The following KAZN variants were observed in gnomAD, a reference collection of about 807,000 sequenced individuals.
The protein encoded by KAZN is kazrin.
In KAZN, 40 loss-of-function variants were observed where a neutral mutation model predicts 87.4. That is an observed-to-expected ratio of 0.46 (90% CI 0.36 to 0.60). The LOEUF (loss-of-function observed/expected upper bound fraction) is 0.60, where lower values mean the gene tolerates loss of function less well. KAZN is among the 20% of genes least tolerant of loss of function. The pLI, the probability that KAZN is intolerant of heterozygous loss-of-function variation, is 0.00. For missense variants in KAZN, 898 were observed against 1,073.9 expected, an observed-to-expected ratio of 0.84 and a Z score of 2.29; for synonymous variants, 466 against 458.3, an observed-to-expected ratio of 1.02 and a Z score of -0.22.
intron 1 of KAZN, among the ~76,000 whole-genome samples, chr1:14,154,827 C>T (rs995738019): frequency 7.9e-5 from 12 of 152,202 alleles, no homozygotes; most frequent in African/African-American, 2.7e-4. Flanking sequence ...ACCATCCTTG[C>T]ATCCCAAAGA....
chr1:14,178,130 C>G (rs906003604), intron 1 of KAZN, among the ~76,000 whole-genome samples: 1 of 152,108 alleles, frequency 6.6e-6, no homozygotes, highest in Non-Finnish European at 1.5e-5. Context: ...GGCACTCATT[C>G]TCTCTCCTGC....
chr1:14,738,893 T>A (rs1482407752), intron 1 of KAZN, among the ~76,000 whole-genome samples: 1 of 152,136 alleles, frequency 6.6e-6, no homozygotes. Flanking sequence ...ACCCGTCTGG[T>A]CAAGTGCAAT....
intron 1 of KAZN, among the ~76,000 whole-genome samples, chr1:14,087,323 C>T (rs1643880631): frequency 6.6e-6 from 1 of 152,042 alleles, no homozygotes; most frequent in Non-Finnish European, 1.5e-5. Flanking sequence ...ATCTTCTGAC[C>T]TTGCTAAACT....
At chr1:14,590,185 A>T (rs1413017860) in intron 2 of KAZN, among the ~76,000 whole-genome samples, 1 of 152,106 alleles carries the variant, frequency 6.6e-6, no homozygotes, top group Non-Finnish European at 1.5e-5. Context: ...CAAAAAAATA[A>T]ATTACCCATT....
chr1:13,906,033 GA>G (rs1639424391), intron 1 of KAZN, among the ~76,000 whole-genome samples: 3 of 152,150 alleles, frequency 2.0e-5, no homozygotes, highest in Admixed American at 1.3e-4. Flanking sequence ...CTCTTCTAAG[GA>G]CGCTTGTGAT....
At chr1:14,275,018 ATTATAT>A (rs1025266439) in intron 2 of KAZN, among the ~76,000 whole-genome samples, 4 of 152,196 alleles carry the variant, frequency 2.6e-5, no homozygotes, top group South Asian at 4.2e-4. Context: ...TATAGAATAG[ATTATAT>A]TTATAAAAAT....
At chr1:14,974,084 C>T (rs953020348) in intron 2 of KAZN, among the ~76,000 whole-genome samples, 10 of 151,824 alleles carry the variant, frequency 6.6e-5, no homozygotes, top group East Asian at 1.9e-4. Context: ...AAGCTGGGTC[C>T]GGCAACCACA....
chr1:14,687,425 G>C (rs1243655432), intron 1 of KAZN, among the ~76,000 whole-genome samples: 1 of 152,226 alleles, frequency 6.6e-6, no homozygotes, highest in Non-Finnish European at 1.5e-5. Flanking sequence ...GGCTCCAAGG[G>C]AGGTGTAGTA....
intron 2 of KAZN, among the ~76,000 whole-genome samples, chr1:14,573,703 G>A (rs1287402621): frequency 1.3e-5 from 2 of 151,960 alleles, no homozygotes; most frequent in Admixed American, 6.6e-5. Flanking sequence ...ATGAGTCCAG[G>A]TCAGAACTTT....
At chr1:14,639,626 C>T (rs564851738) in intron 1 of KAZN, among the ~76,000 whole-genome samples, 1 of 152,264 alleles carries the variant, frequency 6.6e-6, no homozygotes, top group South Asian at 2.1e-4. Flanking sequence ...GACCTTTGTT[C>T]TCACAAGCTG....
intron 1 of KAZN, among the ~76,000 whole-genome samples, chr1:14,929,377 A>G (rs1157506875): frequency 6.6e-6 from 1 of 152,208 alleles, no homozygotes; most frequent in Non-Finnish European, 1.5e-5. Flanking sequence ...GGCACCAAGC[A>G]CCATTTATGT....
chr1:14,273,846 T>C (rs1652139994), intron 2 of KAZN, among the ~76,000 whole-genome samples: 1 of 152,152 alleles, frequency 6.6e-6, no homozygotes, highest in Non-Finnish European at 1.5e-5. Flanking sequence ...TTTTTTTTTT[T>C]TGATTATTCT....
chr1:14,482,108 A>G (rs903187969), intron 2 of KAZN, among the ~76,000 whole-genome samples: 4 of 152,228 alleles, frequency 2.6e-5, no homozygotes, highest in African/African-American at 4.8e-5. Context: ...GGTGAGCTGC[A>G]TGGATAGATG....
chr1:14,461,441 A>G (rs1667845609), intron 2 of KAZN, among the ~76,000 whole-genome samples: 1 of 152,140 alleles, frequency 6.6e-6, no homozygotes, highest in African/African-American at 2.4e-5. Context: ...GTCTGCCACC[A>G]TGTAAGTCGT....
At chr1:14,033,741 C>T (rs1200346790) in intron 1 of KAZN, among the ~76,000 whole-genome samples, 1 of 152,210 alleles carries the variant, frequency 6.6e-6, no homozygotes, top group East Asian at 1.9e-4. Flanking sequence ...TGCCCAATTA[C>T]TGCAGCCACT....
chr1:14,103,672 T>A (rs1317180106), intron 1 of KAZN, among the ~76,000 whole-genome samples: 4 of 152,188 alleles, frequency 2.6e-5, no homozygotes, highest in African/African-American at 9.7e-5. Context: ...TTCCCCTGAT[T>A]CTCCTGTCTC....
At chr1:14,290,015 T>C (rs1653556105) in intron 2 of KAZN, among the ~76,000 whole-genome samples, 1 of 152,356 alleles carries the variant, frequency 6.6e-6, no homozygotes, top group Admixed American at 6.5e-5. Flanking sequence ...CCCACTCTTT[T>C]CTGGCTTGTA....
chr1:13,915,620 T>A lies in KAZN; in HGVS notation c.91+21864T>A, dbSNP rs186033387. On this transcript the variant is annotated intron_variant, in intron 1 of 16. Transcript: ENST00000636203. The stretch of plus-strand genomic sequence containing the variant: ...CTTCCACCTCAGCGCCCAGTTGCCC[T>A]CTGCTCCCACCCTAGGTTGGAACAT... 2.7e-3 allele frequency among the ~76,000 whole-genome samples: 411 copies of A among 152,284 alleles called. 1 individual carries two copies. Among genetic ancestry groups the A allele is most frequent in the African/African-American group, 9.5e-3 (394 of 41,564 alleles).
At chr1:14,219,972 ACT>A (rs1424724849) in intron 2 of KAZN, among the ~76,000 whole-genome samples, 2 of 151,858 alleles carry the variant, frequency 1.3e-5, no homozygotes, top group African/African-American at 4.8e-5. Flanking sequence ...GTCCGCATAA[ACT>A]CTGCCCAATT....
Sources: gnomAD v4.1 joint callset for allele counts (sites outside exome capture counted in the v4.1 genomes callset) on GRCh38, gnomAD v4.1.1 for gene constraint, MANE v1.5 for transcripts, NCBI Gene and HGNC (gene_info 2026-07-23, HGNC 2026-07-21) for gene names.